Variants in CCDC28B observed in about 807,000 individuals in gnomAD.
The protein encoded by CCDC28B is coiled-coil domain-containing protein 28B.
In CCDC28B, 17 loss-of-function variants were observed where a neutral mutation model predicts 18.7. That is an observed-to-expected ratio of 0.91 (90% CI 0.62 to 1.36). The LOEUF is 1.36. CCDC28B is among the 40% of genes most tolerant of loss of function. CCDC28B has a pLI of 0.00. For synonymous variants in CCDC28B, 116 were observed against 105.1 expected, an observed-to-expected ratio of 1.10 and a Z score of -0.64; for missense variants, 213 against 251.7, an observed-to-expected ratio of 0.85 and a Z score of 1.04.
upstream of CCDC28B, among the ~76,000 whole-genome samples, chr1:32,198,676 CCTT>C (rs1170637295): frequency 6.6e-6 from 1 of 152,174 alleles, no homozygotes; most frequent in Non-Finnish European, 1.5e-5. Context: ...CCTGGAATGG[CCTT>C]CTGAACCACA....
chr1:32,200,477 C>T (rs1053780283), upstream of CCDC28B: 1 of 152,248 alleles, frequency 6.6e-6, no homozygotes, highest in African/African-American at 2.4e-5. Flanking sequence ...ACACAACCAA[C>T]AGGGTCCCCT....
intron 1 of CCDC28B, among the ~76,000 whole-genome samples, chr1:32,200,994 CTA>C (rs1253826568): frequency 6.6e-6 from 1 of 152,156 alleles, no homozygotes; most frequent in Non-Finnish European, 1.5e-5. Flanking sequence ...TGGCAGCCAG[CTA>C]TGTGTCAGTG....
At chr1:32,203,366 G>A (rs534551616) in intron 2 of CCDC28B, among the ~76,000 whole-genome samples, 15 of 151,660 alleles carry the variant, frequency 9.9e-5, no homozygotes, top group African/African-American at 3.6e-4. Flanking sequence ...GCTGAGGCAA[G>A]AGAATCACTT....
chr1:32,205,207 C>T lies in CCDC28B; in HGVS notation c.562C>T (p.Leu188=), dbSNP rs776971713. The change falls in exon 6 of 6, where the codon CTG becomes TTG. Residue 188 remains leucine, a synonymous_variant. Coordinates refer to ENST00000373602, the MANE Select transcript of CCDC28B (RefSeq NM_024296.5). This position sits in a 1 kb window ranked among gnomAD's most constrained non-coding sequence, Gnocchi z 5.6. ...TGACGGGCACAGCCAGAAGCTGCAC[C>T]TGGCCGAGAACGCCGAGCCTGAGGA... The part of the protein sequence containing the change: ...DLSNSIQKLH[L]AENAEPEEQS... The T allele has an allele frequency of 3.3e-5, 53 of 1,613,872 alleles. No homozygotes were observed. The highest frequency in any genetic ancestry group is 4.1e-5 in the Non-Finnish European group (48 of 1,179,960).
Position 32,203,995 on chromosome 1 carries a change from G to C in CCDC28B, c.281G>C (p.Gly94Ala). ...EVTDVYEMEG[G>A]LLNLLNDFHS... Reference sequence around the variant, plus strand: ...ACTGATGTCTATGAGATGGAGGGGGGACTCCTGAACCTGCTCAATGATTTC... The same window carrying C: ...ACTGATGTCTATGAGATGGAGGGGGCACTCCTGAACCTGCTCAATGATTTC... The change falls in exon 3 of 6, where the codon GGA becomes GCA. Residue 94 changes from glycine to alanine, a missense_variant. Transcript: ENST00000373602. The C allele has an allele frequency of 6.4e-7, 1 of 1,574,662 alleles. No individual in the cohort carries two copies. Among genetic ancestry groups the C allele is most frequent in the Middle Eastern group, 1.7e-4 (1 of 5,858 alleles).
intron 1 of CCDC28B, among the ~76,000 whole-genome samples, chr1:32,201,224 C>T (rs1273784016): frequency 6.6e-6 from 1 of 152,194 alleles, no homozygotes; most frequent in Non-Finnish European, 1.5e-5. Context: ...ACCCAGTCCA[C>T]CCTGGCTGCA....
chr1:32,198,388 G>A (rs912940082), upstream of CCDC28B: 3 of 152,312 alleles, frequency 2.0e-5, no homozygotes, highest in Admixed American at 6.5e-5. Flanking sequence ...GAGCGCCCAT[G>A]GTGGTTCCCT....
chr1:32,204,076 T>C, intron 3 of CCDC28B, 31 bp downstream of exon 3: 1 of 1,569,638 alleles, frequency 6.4e-7, no homozygotes, highest in Non-Finnish European at 8.6e-7. Flanking sequence ...TCAGCGGGTG[T>C]GTGGATAGGG....
intron 5 of CCDC28B, 135 bp downstream of exon 5, chr1:32,204,755 T>G (rs1483012513): frequency 6.2e-7 from 1 of 1,613,628 alleles, no homozygotes; most frequent in Non-Finnish European, 8.5e-7. Context: ...AGCCACAGAC[T>G]GCCCAAACCC....
chr1:32,201,027 A>ACCCCCCCAACCC (rs1553138242), intron 1 of CCDC28B, among the ~76,000 whole-genome samples: 11 of 121,904 alleles, frequency 9.0e-5, no homozygotes, highest in African/African-American at 3.1e-4. Flanking sequence ...AGCGCCACCC[A>ACCCCCCCAACCC]CCCCCCCAAC....
Position 32,202,004 on chromosome 1 carries a change from A to T in CCDC28B, c.69A>T (p.Thr23=). 6.2e-7 allele frequency: 1 copy of T among 1,613,944 alleles called. No individual in the cohort carries two copies. The highest frequency in any genetic ancestry group is 1.1e-5 in the South Asian group (1 of 91,074). The part of the protein sequence containing the change: ...CLAQPAQAPG[T]LRRVPVPTSH... The stretch of plus-strand genomic sequence containing the variant: ...CCCAGCCAGCCCAGGCCCCAGGCAC[A>T]CTACGGAGGGTCCCTGTGCCTACCA... Residue 23 remains threonine, a synonymous_variant, in exon 2 of 6, where the codon ACA becomes ACT. Coordinates refer to ENST00000373602, the MANE Select transcript of CCDC28B (RefSeq NM_024296.5).
intron 5 of CCDC28B, 131 bp downstream of exon 5, chr1:32,204,751 A>T: frequency 5.0e-6 from 8 of 1,613,704 alleles, no homozygotes; most frequent in Non-Finnish European, 6.8e-6. Flanking sequence ...ATTTAGCCAC[A>T]GACTGCCCAA....
At chr1:32,202,538 C>G in intron 2 of CCDC28B, 1 of 357,334 alleles carries the variant, frequency 2.8e-6, no homozygotes, top group South Asian at 2.1e-5. Flanking sequence ...TGGGAGTTTG[C>G]ATGCTGCCTT....
intron 3 of CCDC28B, 38 bp downstream of exon 3, chr1:32,204,083 AGGGCTGTAGGGCCCAGTCCATGGG>A (rs777877169): frequency 6.3e-7 from 1 of 1,576,344 alleles, no homozygotes; most frequent in Non-Finnish European, 8.6e-7. Context: ...GTGTGTGGAT[AGGGCTGTAGGGCCCAGTCCATGGG>A]GCATGGCTGG....
intron 2 of CCDC28B, chr1:32,203,228 A>AG (rs1643194142): frequency 6.6e-6 from 1 of 152,142 alleles, no homozygotes; most frequent in African/African-American, 2.4e-5. Flanking sequence ...AGGCCAAGAC[A>AG]GGCAGATGAC....
At chr1:32,200,747 A>T (rs41263991) in intron 1 of CCDC28B, 38 bp downstream of exon 1, 3 of 152,238 alleles carry the variant, frequency 2.0e-5, no homozygotes, top group Non-Finnish European at 4.4e-5. Context: ...CGGGGGCGGA[A>T]TGACGCGGGT....
rs1332459447 is a variant in CCDC28B, at chr1:32,202,044, T to G, written c.109T>G (p.Leu37Val). Residue 37 changes from leucine (L) to valine (V), a missense_variant, in exon 2 of 6, where the codon TTG (leucine) becomes GTG (valine). Physicochemically the swap from Leu to Val is conservative, Grantham distance 32. Transcript: ENST00000373602. Reference protein sequence around the residue: ...VPVPTSHSGSLALGLPHLPSP... With the variant: ...VPVPTSHSGSVALGLPHLPSP... ...TGTGCCTACCAGCCACAGCGGCTCC[T>G]TGGCCCTAGGACTTCCTCATCTGCC... 5 of 1,613,628 alleles carry G rather than the reference T, an allele frequency of 3.1e-6. No individual in the cohort carries two copies. Among genetic ancestry groups the G allele is most frequent in the Non-Finnish European group, 4.2e-6 (5 of 1,179,914 alleles).
At chr1:32,204,442 C>G (rs1643251111) in intron 4 of CCDC28B, 63 bp downstream of exon 4, 2 of 1,522,866 alleles carry the variant, frequency 1.3e-6, no homozygotes, top group African/African-American at 2.8e-5. Context: ...GTACATACTC[C>G]CAAAGCCATT....
Position 32,205,274 on chromosome 1 carries a change from CCT to C in CCDC28B, c.*30_*31del. 1 of 1,591,850 alleles carries C rather than the reference CCT, an allele frequency of 6.3e-7. No individual in the cohort carries two copies. ...GCGTCCCACGCAGGCCCACACTGCC[CCT>C]CTCATTCTCTTCAAACTGTGACTTT... is the stretch of plus-strand genomic sequence containing the variant. On this transcript the variant is annotated 3_prime_UTR_variant, in exon 6 of 6. Transcript: ENST00000373602. The surrounding 1 kb of genome is among the most constrained non-coding windows in gnomAD (Gnocchi z 5.6).
Sources: gnomAD v4.1 joint callset for allele counts (sites outside exome capture counted in the v4.1 genomes callset) on GRCh38, gnomAD v4.1.1 for gene constraint, Gnocchi (gnomAD v3.1) non-coding constraint, MANE v1.5 for transcripts, NCBI Gene and HGNC (gene_info 2026-07-23, HGNC 2026-07-21) for gene names.